Variants in OXR1 observed in about 807,000 individuals in gnomAD.
OXR1 encodes the protein oxidation resistance 1, also known as oxidation resistance protein 1.
Under a neutral mutation model 104.6 loss-of-function variants are expected in OXR1, and 41 were observed. That is an observed-to-expected ratio of 0.39 (90% CI 0.31 to 0.51). The LOEUF is 0.51. OXR1 is among the 20% of genes least tolerant of loss of function. The probability of loss-of-function intolerance (pLI) is 0.77; values close to 1 mark genes in which losing one functional copy is unlikely to be tolerated. For synonymous variants in OXR1, 348 were observed against 348.4 expected (o/e 1.00, Z 0.01); for missense variants, 955 against 1,031.9 (o/e 0.93, Z 1.02).
chr8:106,598,897 A>G (rs1365547421), intron 3 of OXR1, among the ~76,000 whole-genome samples: 1 of 152,244 alleles, frequency 6.6e-6, no homozygotes, highest in African/African-American at 2.4e-5. Context: ...TTAAGCAAAT[A>G]TAATTACCTG....
intron 3 of OXR1, among the ~76,000 whole-genome samples, chr8:106,562,561 A>G (rs1816759889): frequency 6.6e-6 from 1 of 152,232 alleles, no homozygotes; most frequent in African/African-American, 2.4e-5. Flanking sequence ...GATATTATCC[A>G]GGAGAACTTG....
chr8:106,514,880 G>A, intron 2 of OXR1, among the ~76,000 whole-genome samples: 1 of 152,008 alleles, frequency 6.6e-6, no homozygotes, highest in South Asian at 2.1e-4. Flanking sequence ...AAGAGCAGCT[G>A]GCTTTTTGTA....
chr8:106,627,474 C>T (rs183126767), intron 3 of OXR1, among the ~76,000 whole-genome samples: 59 of 152,108 alleles, frequency 3.9e-4, no homozygotes, highest in East Asian at 9.7e-4. Context: ...AAAGTGGTAA[C>T]GTGAGATATT....
chr8:106,553,114 T>C (rs1047374458), intron 3 of OXR1, among the ~76,000 whole-genome samples: 1 of 151,920 alleles, frequency 6.6e-6, no homozygotes, highest in Admixed American at 6.6e-5. Context: ...AAATGATGAG[T>C]TAATGGGTGC....
intron 1 of OXR1, among the ~76,000 whole-genome samples, chr8:106,344,308 A>C (rs1815385135): frequency 6.6e-6 from 1 of 151,294 alleles, no homozygotes; most frequent in Non-Finnish European, 1.5e-5. Context: ...AAAGATAGCT[A>C]GCCACCGTTT....
chr8:106,456,795 A>C (rs1477108999), intron 2 of OXR1, among the ~76,000 whole-genome samples: 1 of 152,184 alleles, frequency 6.6e-6, no homozygotes, highest in African/African-American at 2.4e-5. Context: ...ATGTCAACCA[A>C]AGGAATGATA....
intron 3 of OXR1, among the ~76,000 whole-genome samples, chr8:106,541,213 A>G (rs1030313026): frequency 1.3e-5 from 2 of 152,228 alleles, no homozygotes; most frequent in African/African-American, 4.8e-5. Context: ...ACAGTTTATA[A>G]AAGTATGATA....
chr8:106,706,484 T>G lies in OXR1; in HGVS notation c.963T>G (p.Asp321Glu). Residue 321 changes from aspartate to glutamate, a missense_variant, in exon 9 of 17, where the codon GAT (aspartate) becomes GAG (glutamate). Asp to Glu is a conservative substitution (Grantham distance 45, BLOSUM62 2). This residue lies in a region of OXR1 where 849 missense variants were observed against 852.9 expected (regional missense o/e 1.00). Transcript: ENST00000517566. Reference sequence around the variant, plus strand: ...CAAGAATCCGAGATGCAGGTAATGATAGTGCCAGCACTGCTCCTAGGAGCA... The same window carrying G: ...CAAGAATCCGAGATGCAGGTAATGAGAGTGCCAGCACTGCTCCTAGGAGCA... ...IDSRIRDAGN[D>E]SASTAPRSTE... 1 of 1,597,058 alleles carries G rather than the reference T, an allele frequency of 6.3e-7. No individual in the cohort carries two copies. Among genetic ancestry groups the G allele is most frequent in the Non-Finnish European group, 8.5e-7 (1 of 1,175,790 alleles).
intron 3 of OXR1, among the ~76,000 whole-genome samples, chr8:106,633,568 G>A (rs1323077035): frequency 6.6e-6 from 1 of 152,140 alleles, no homozygotes; most frequent in Non-Finnish European, 1.5e-5. Context: ...CCAAAGTGTA[G>A]AACAATGTTG....
intron 3 of OXR1, among the ~76,000 whole-genome samples, chr8:106,635,236 G>T (rs1390710054): frequency 6.6e-6 from 1 of 152,174 alleles, no homozygotes; most frequent in Admixed American, 6.5e-5. Context: ...GCATAGTGAA[G>T]TGTATATGTC....
chr8:106,482,975 A>G (rs1822227063), intron 2 of OXR1, among the ~76,000 whole-genome samples: 1 of 152,084 alleles, frequency 6.6e-6, no homozygotes, highest in Non-Finnish European at 1.5e-5. Context: ...AATGACACCG[A>G]ACATGTGAAA....
At chr8:106,411,924 A>G (rs1432088580) in intron 2 of OXR1, among the ~76,000 whole-genome samples, 1 of 152,186 alleles carries the variant, frequency 6.6e-6, no homozygotes, top group Non-Finnish European at 1.5e-5. Flanking sequence ...CAAAGTGCTC[A>G]GGATCCAGTC....
At chr8:106,496,906 G>A (rs978268622) in intron 2 of OXR1, among the ~76,000 whole-genome samples, 5 of 152,162 alleles carry the variant, frequency 3.3e-5, no homozygotes, top group East Asian at 1.9e-4. Context: ...AATCTGTGAC[G>A]GAGGTAGACC....
chr8:106,529,451 CAATCATTTA>C (rs1813931281), intron 3 of OXR1, among the ~76,000 whole-genome samples: 1 of 151,620 alleles, frequency 6.6e-6, no homozygotes, highest in South Asian at 2.1e-4. Context: ...TTTTTTTAAC[CAATCATTTA>C]TGTAATTTTA....
chr8:106,650,704 C>T (rs989922237), intron 3 of OXR1, among the ~76,000 whole-genome samples: 5 of 152,166 alleles, frequency 3.3e-5, no homozygotes, highest in Non-Finnish European at 7.4e-5. Context: ...AGAAAGCAAC[C>T]ACCATTACTA....
At chr8:106,541,031 G>T (rs1303445227) in intron 3 of OXR1, among the ~76,000 whole-genome samples, 2 of 152,144 alleles carry the variant, frequency 1.3e-5, no homozygotes, top group Non-Finnish European at 2.9e-5. Context: ...GGCTTACCAT[G>T]TACTATGTGA....
At chr8:106,290,084 G>A (rs1347045246) in intron 1 of OXR1, among the ~76,000 whole-genome samples, 1 of 152,058 alleles carries the variant, frequency 6.6e-6, no homozygotes, top group African/African-American at 2.4e-5. Flanking sequence ...TTTCTTCATA[G>A]CAGTGTGAGA....
At chr8:106,484,280 T>G (rs537558867) in intron 2 of OXR1, among the ~76,000 whole-genome samples, 1 of 152,074 alleles carries the variant, frequency 6.6e-6, no homozygotes, top group East Asian at 1.9e-4. Flanking sequence ...TATTTCAAAA[T>G]AACAAAAAGA....
At chr8:106,411,086 GA>G (rs35395892) in intron 2 of OXR1, among the ~76,000 whole-genome samples, 56,694 of 151,906 alleles carry the variant, frequency 0.37, 11,810 homozygotes, top group East Asian at 0.7. Context: ...TTATATTTGA[GA>G]TGAGTGTAAT....
Sources: gnomAD v4.1 joint callset for allele counts (sites outside exome capture counted in the v4.1 genomes callset) on GRCh38, gnomAD v4.1.1 for gene constraint, gnomAD v4.1.1 regional missense constraint, MANE v1.5 for transcripts, NCBI Gene and HGNC (gene_info 2026-07-23, HGNC 2026-07-21) for gene names.